PREPL: variants seen among roughly 807,000 people sequenced by gnomAD.
PREPL encodes prolyl endopeptidase-like.
In PREPL, 77 loss-of-function variants were observed where a neutral mutation model predicts 70.6. That is an observed-to-expected ratio of 1.09 (90% CI 0.91 to 1.32). The LOEUF (loss-of-function observed/expected upper bound fraction) is 1.32, where lower values mean the gene tolerates loss of function less well. Among genes scored for constraint, PREPL ranks in the 40% most tolerant of loss-of-function variants. The pLI is 0.00. For missense variants in PREPL, 1,002 were observed against 778.2 expected, an observed-to-expected ratio of 1.29 and a Z score of -3.42; for synonymous variants, 315 against 264.8, an observed-to-expected ratio of 1.19 and a Z score of -1.84.
intron 10 of PREPL, 33 bp downstream of exon 10, chr2:44,326,679 A>G: frequency 1.3e-6 from 2 of 1,592,184 alleles, no homozygotes; most frequent in Non-Finnish European, 1.7e-6. Flanking sequence ...CACCTCCCCC[A>G]TTCTATAAAC....
At chr2:44,321,740 C>T (rs761710251) in intron 13 of PREPL, 87 bp downstream of exon 13, 1 of 1,609,936 alleles carries the variant, frequency 6.2e-7, no homozygotes, top group Non-Finnish European at 8.5e-7. Context: ...GTGGCTTTGT[C>T]ATAAACCTGC....
Position 44,317,699 on chromosome 2 carries a change from CA to C in PREPL, c.*3656del, listed in dbSNP as rs1041505252. 11 of 152,022 alleles carry C rather than the reference CA, an allele frequency of 7.2e-5. No individual in the cohort carries two copies. The highest frequency in any genetic ancestry group is 2.4e-4 in the African/African-American group (10 of 41,328). The allele number at this position is 152,022 out of a possible 1,614,324, so 9.4% of individuals were successfully genotyped here. On this transcript the variant is annotated 3_prime_UTR_variant, in exon 14 of 14. Coordinates refer to ENST00000409411, the MANE Select transcript of PREPL (RefSeq NM_001171613.2). ...AAAGAACACTAGACATAAAATATAACAATTTTCAAATTTTCAAAGAATACTA... is the reference window on the plus strand; with the variant it reads ...AAAGAACACTAGACATAAAATATAACATTTTCAAATTTTCAAAGAATACTA...
rs778123136 is a variant in PREPL, at chr2:44,323,329, G to A, written c.1562C>T (p.Pro521Leu). Residue 521 changes from proline to leucine, a missense_variant, in exon 11 of 14, where the codon CCT (proline) becomes CTT (leucine). Pro to Leu is a moderately conservative substitution (Grantham distance 98). Coordinates refer to ENST00000409411, the MANE Select transcript of PREPL (RefSeq NM_001171613.2). The stretch of plus-strand genomic sequence containing the variant: ...GTTCTTGTGTTTTTCATCAGATGAA[G>A]GATTCCCCCATTCTTCTAATTCTTC... ...TLEELEEWGN[P>L]SSDEKHKNYI... 2 of 1,604,748 alleles carry A rather than the reference G, an allele frequency of 1.2e-6. No homozygotes were observed. Among genetic ancestry groups the A allele is most frequent in the South Asian group, 2.2e-5 (2 of 90,788 alleles).
In PREPL at chr2:44,359,745, T is replaced by C. The variant is rs757532071; in HGVS notation, c.-49+1635A>G. 1.1e-5 allele frequency: 16 copies of C among 1,471,084 alleles called. No individual in the cohort carries two copies. The Admixed American group carries it at 2.2e-4, about 20-fold the overall frequency. The allele number at this position is 1,471,084 out of a possible 1,614,324, so 91.1% of individuals were successfully genotyped here. ...TCAAAGTCCCTGGTTTATGCTCCTT[T>C]TGGGGCTGCCAGCACACGAATGATT... On this transcript the variant is annotated intron_variant, in intron 1 of 13. Coordinates refer to ENST00000409411, the MANE Select transcript of PREPL (RefSeq NM_001171613.2).
At chr2:44,351,149 G>A (rs1349358785) in intron 1 of PREPL, among the ~76,000 whole-genome samples, 1 of 148,400 alleles carries the variant, frequency 6.7e-6, no homozygotes, top group Non-Finnish European at 1.5e-5. Context: ...TGGCTAGGCT[G>A]GTCTGAAACT....
In PREPL at chr2:44,320,616, A is replaced by T; in HGVS notation, c.*740T>A. 6.2e-7 allele frequency: 1 copy of T among 1,613,958 alleles called. No individual in the cohort carries two copies. The highest frequency in any genetic ancestry group is 8.5e-7 in the Non-Finnish European group (1 of 1,179,848). Reference sequence around the variant, plus strand: ...TCGAGCATGCTATTCCAGTGTACTGAACATACTGTATACCTCGTGTTAGGC... The same window carrying T: ...TCGAGCATGCTATTCCAGTGTACTGTACATACTGTATACCTCGTGTTAGGC... On this transcript the variant is annotated 3_prime_UTR_variant, in exon 14 of 14. Transcript: ENST00000409411.
chr2:44,328,438 CAAAAAA>C (rs1194898905), intron 9 of PREPL, among the ~76,000 whole-genome samples: 1 of 61,190 alleles, frequency 1.6e-5, no homozygotes, highest in African/African-American at 6.4e-5. Flanking sequence ...CTGTCTCAAA[CAAAAAA>C]AAAAAAAAAA....
In PREPL at chr2:44,321,138, G is replaced by C. The variant is rs1318581001; in HGVS notation, c.*218C>G. 19 of 529,358 alleles carry C rather than the reference G, an allele frequency of 3.6e-5. 1 individual carries two copies. In the Admixed American group the frequency reaches 6.2e-4, roughly 17 times the overall value. The allele number at this position is 529,358 out of a possible 1,614,324, so 32.8% of individuals were successfully genotyped here. A position where few individuals can be genotyped will look rare whatever the true frequency, so the allele number is the denominator to read the frequency against. ...CACATCCTTCTAAGGAGCATGATTTGAAAATTACTTTCCTAGGTTAATGGG... is the reference window on the plus strand; with the variant it reads ...CACATCCTTCTAAGGAGCATGATTTCAAAATTACTTTCCTAGGTTAATGGG... On this transcript the variant is annotated 3_prime_UTR_variant, in exon 14 of 14. Coordinates refer to ENST00000409411, the MANE Select transcript of PREPL (RefSeq NM_001171613.2).
intron 11 of PREPL, 115 bp downstream of exon 11, chr2:44,323,147 C>A: frequency 9.7e-7 from 1 of 1,029,600 alleles, no homozygotes; most frequent in Admixed American, 2.8e-5. Context: ...GATATTTGGG[C>A]ATCATAAGTA....
intron 3 of PREPL, 121 bp downstream of exon 3, chr2:44,344,395 TAAAA>T (rs932056923): frequency 2.7e-6 from 2 of 752,358 alleles, no homozygotes; most frequent in Non-Finnish European, 4.1e-6. Context: ...AACTAGTCAT[TAAAA>T]AAAAATTCAG....
Position 44,329,112 on chromosome 2 carries a change from C to A in PREPL, c.1087G>T (p.Asp363Tyr), listed in dbSNP as rs780145490. 1.9e-6 allele frequency: 3 copies of A among 1,589,012 alleles called. No individual in the cohort carries two copies. In the Admixed American group the frequency reaches 5.1e-5, roughly 27 times the overall value. ...ACAGTCATTGGCACTAATTTTCCAT[C>A]CTAGAAATGAAGAATTACTATGTAT... ...RVLRLEAKSK[D>Y]GKLVPMTVFH... The change falls in exon 9 of 14, where the codon GAT (aspartate) becomes TAT (tyrosine). Residue 363 changes from aspartate to tyrosine, a missense_variant and splice_region_variant. Physicochemically the swap from Asp to Tyr is radical, Grantham distance 160 (BLOSUM62 -3). Transcript: ENST00000409411.
At chr2:44,347,783 T>C (rs1033583322) in intron 1 of PREPL, among the ~76,000 whole-genome samples, 1 of 152,298 alleles carries the variant, frequency 6.6e-6, no homozygotes, top group East Asian at 1.9e-4. Context: ...AAAGTATTTA[T>C]TGCATAAAAT....
chr2:44,327,088 G>C lies in PREPL; in HGVS notation c.1263-160C>G, dbSNP rs188243146. ...GAGTGAAAACAAGGAATGTGCAACA[G>C]AAACTGTACGCGGCCTGCAAAGCTT... On this transcript the variant is annotated intron_variant, in intron 9 of 13. Coordinates refer to ENST00000409411, the MANE Select transcript of PREPL (RefSeq NM_001171613.2). 1.6e-3 allele frequency among the ~76,000 whole-genome samples: 239 copies of C among 152,316 alleles called. 1 individual carries two copies. Among genetic ancestry groups the C allele is most frequent in the African/African-American group, 5.5e-3 (230 of 41,574 alleles).
rs1055413319 is a variant in PREPL, at chr2:44,318,380, C to G, written c.*2976G>C. 1 of 178,460 alleles carries G rather than the reference C, an allele frequency of 5.6e-6. No homozygotes were observed. The highest frequency in any genetic ancestry group is 1.2e-5 in the Non-Finnish European group (1 of 82,986). 11.1% of individuals were successfully genotyped at this position (178,460 alleles called of 1,614,324 possible). ...TGCTAGGATTACGGGCCTGAGCCACCTTGCCTGGCCTGCAAAATTTGTTTT... is the reference window on the plus strand; with the variant it reads ...TGCTAGGATTACGGGCCTGAGCCACGTTGCCTGGCCTGCAAAATTTGTTTT... On this transcript the variant is annotated 3_prime_UTR_variant, in exon 14 of 14. Coordinates refer to ENST00000409411, the MANE Select transcript of PREPL (RefSeq NM_001171613.2).
chr2:44,359,496 C>T, intron 1 of PREPL: 2 of 1,598,440 alleles, frequency 1.3e-6, no homozygotes, highest in Non-Finnish European at 1.7e-6. Context: ...ACAGTCCATA[C>T]CTTACATGAG....
intron 3 of PREPL, 104 bp from the exon 4 acceptor site, chr2:44,344,055 C>T (rs1675515268): frequency 7.5e-7 from 1 of 1,330,752 alleles, no homozygotes; most frequent in Non-Finnish European, 9.9e-7. Context: ...CTGTAAGAGG[C>T]CATATCCTAG....
At position 44,344,579 on chromosome 2, in the gene PREPL, T is replaced by G. The variant is rs762838777; in HGVS notation, c.83A>C (p.His28Pro). 1 of 1,599,948 alleles carries G rather than the reference T, an allele frequency of 6.3e-7. No homozygotes were observed. The highest frequency in any genetic ancestry group is 1.3e-5 in the African/African-American group (1 of 74,672). ...EYEIINVEVK[H>P]GGFVYYQEGC... ...TTCTTGGTAATAAACAAAACCACCA[T>G]GTTTAACCTGACAAAAGAAACATGC... Residue 28 changes from histidine (H) to proline (P), a missense_variant, in exon 3 of 14, where the codon CAT becomes CCT. Transcript: ENST00000409411.
intron 2 of PREPL, among the ~76,000 whole-genome samples, chr2:44,345,915 G>T (rs1278783586): frequency 6.6e-6 from 1 of 152,118 alleles, no homozygotes; most frequent in African/African-American, 2.4e-5. Context: ...GCTGAGGTGG[G>T]AGGGTTGCTT....
intron 6 of PREPL, 88 bp downstream of exon 6, chr2:44,339,059 C>G (rs1674938797): frequency 6.5e-7 from 1 of 1,539,978 alleles, no homozygotes; most frequent in Admixed American, 2.0e-5. Flanking sequence ...ATTTATAAAA[C>G]AATGAGCTCT....
Sources: gnomAD v4.1 joint callset for allele counts (sites outside exome capture counted in the v4.1 genomes callset) on GRCh38, gnomAD v4.1.1 for gene constraint, MANE v1.5 for transcripts, NCBI Gene and HGNC (gene_info 2026-07-23, HGNC 2026-07-21) for gene names.